The following RBM47 variants were observed in gnomAD, a reference collection of about 807,000 sequenced individuals.
The protein encoded by RBM47 is RNA-binding protein 47.
RBM47 carries 21 observed loss-of-function variants against 47.1 expected under a neutral mutation model. That is an observed-to-expected ratio of 0.45 (90% CI 0.32 to 0.64). The LOEUF (loss-of-function observed/expected upper bound fraction) is 0.64, where lower values mean the gene tolerates loss of function less well. RBM47 is among the 30% of genes least tolerant of loss of function. The pLI is 0.05. For missense variants in RBM47, 708 were observed against 870.9 expected, an observed-to-expected ratio of 0.81 and a Z score of 2.35; for synonymous variants, 375 against 361.7, an observed-to-expected ratio of 1.04 and a Z score of -0.42.
chr4:40,426,622 G>A (rs1715084022), intron 6 of RBM47, among the ~76,000 whole-genome samples: 1 of 152,110 alleles, frequency 6.6e-6, no homozygotes, highest in African/African-American at 2.4e-5. Context: ...CAATCCTCCT[G>A]TCTCAGCCTC....
chr4:40,492,230 C>T (rs7678698), intron 2 of RBM47, among the ~76,000 whole-genome samples: 2 of 151,938 alleles, frequency 1.3e-5, no homozygotes, highest in Non-Finnish European at 2.9e-5. Flanking sequence ...CATAGCCAGG[C>T]CTGGGGGTAT....
intron 6 of RBM47, chr4:40,426,841 G>A (rs1715130009): frequency 1.3e-5 from 2 of 152,214 alleles, no homozygotes; most frequent in Admixed American, 6.5e-5. Context: ...GACCTTCTCT[G>A]TACTGTATTC....
intron 1 of RBM47, among the ~76,000 whole-genome samples, chr4:40,598,417 T>C (rs1451498833): frequency 1.3e-5 from 2 of 151,998 alleles, no homozygotes; most frequent in Non-Finnish European, 2.9e-5. Flanking sequence ...CAGCTAGTCT[T>C]TGTATTGTTT....
intron 1 of RBM47, among the ~76,000 whole-genome samples, chr4:40,626,759 A>G (rs1737780002): frequency 6.6e-6 from 1 of 152,190 alleles, no homozygotes; most frequent in African/African-American, 2.4e-5. Flanking sequence ...GAGAAACAGA[A>G]GCAATCAGAA....
intron 3 of RBM47, among the ~76,000 whole-genome samples, chr4:40,442,964 G>A (rs532461310): frequency 1.6e-4 from 25 of 152,276 alleles, no homozygotes; most frequent in African/African-American, 5.3e-4. Context: ...GTGAGCCACC[G>A]TGCCCGGCTT....
chr4:40,495,834 GCTCT>G lies in RBM47; in HGVS notation c.-154-29139_-154-29136del, dbSNP rs10597715. Among the ~76,000 whole-genome samples the G allele has an allele frequency of 7.9e-5, 12 of 151,204 alleles. No individual in the cohort carries two copies. In the South Asian group the frequency reaches 1.7e-3, roughly 21 times the overall value. ...TCTGAAAAGTGGTCACATTGTGCGC[GCTCT>G]CTCTCTCTCTCTTTCCTCTGTAGTA... On this transcript the variant is annotated intron_variant, in intron 2 of 6. Transcript: ENST00000295971.
chr4:40,445,338 C>T (rs1714378636), intron 3 of RBM47, among the ~76,000 whole-genome samples: 1 of 151,480 alleles, frequency 6.6e-6, no homozygotes. Flanking sequence ...AGCTGTTTTC[C>T]GTTTAACTCC....
Position 40,465,017 on chromosome 4 carries a change from T to C in RBM47, c.-32+1560A>G, listed in dbSNP as rs150732034. Among the ~76,000 whole-genome samples the C allele has an allele frequency of 4.0e-3, 604 of 152,172 alleles. 7 individuals carry two copies. Among genetic ancestry groups the C allele is most frequent in the African/African-American group, 0.014 (584 of 41,516 alleles). On this transcript the variant is annotated intron_variant, in intron 3 of 6. Coordinates refer to ENST00000295971, the MANE Select transcript of RBM47 (RefSeq NM_001098634.2). Reference sequence around the variant, plus strand: ...GCTTATGGGTAGATTTTGTTACATTTTTCTATAATTTCCAGATTTCCTTCC... The same window carrying C: ...GCTTATGGGTAGATTTTGTTACATTCTTCTATAATTTCCAGATTTCCTTCC...
Position 40,624,281 on chromosome 4 carries a change from G to T in RBM47, c.-240+5115C>A, listed in dbSNP as rs139814571. 5.5e-3 allele frequency among the ~76,000 whole-genome samples: 843 copies of T among 152,258 alleles called. 9 individuals are homozygous for T. The highest frequency in any genetic ancestry group is 0.02 in the African/African-American group (814 of 41,520). ...ACATGTAAGTGGCAGAACTAAGATT[G>T]GAACCAAGGCAGCCCATGCTCCTAG... is the stretch of plus-strand genomic sequence containing the variant. On this transcript the variant is annotated intron_variant, in intron 1 of 6. Transcript: ENST00000295971.
intron 2 of RBM47, among the ~76,000 whole-genome samples, chr4:40,504,187 C>T (rs1723773008): frequency 6.6e-6 from 1 of 151,882 alleles, no homozygotes; most frequent in African/African-American, 2.4e-5. Context: ...CATTGACATG[C>T]TGTTTTCTGA....
intron 2 of RBM47, among the ~76,000 whole-genome samples, chr4:40,500,464 A>AG (rs1723209642): frequency 6.6e-6 from 1 of 152,120 alleles, no homozygotes; most frequent in Admixed American, 6.5e-5. Context: ...TACAAACATT[A>AG]GCTGGGTGTG....
chr4:40,423,712 CTTTTCTTTCTTTT>C lies in RBM47; in HGVS notation c.*2179_*2191del, dbSNP rs1368780367. 2.2e-3 allele frequency: 114 copies of C among 51,482 alleles called. No homozygotes were observed. Among genetic ancestry groups the C allele is most frequent in the African/African-American group, 0.012 (108 of 9,130 alleles). The allele number at this position is 51,482 out of a possible 1,614,324, so 3.2% of individuals were successfully genotyped here. On this transcript the variant is annotated 3_prime_UTR_variant, in exon 7 of 7. Transcript: ENST00000295971. The stretch of plus-strand genomic sequence containing the variant: ...TCTTTCTTTCTTTCTTTCTTTCTTT[CTTTTCTTTCTTTT>C]CTTTCTTCCTCTTCTTCTTCTTTTT...
chr4:40,461,890 G>A (rs1341828018), intron 3 of RBM47, among the ~76,000 whole-genome samples: 2 of 150,088 alleles, frequency 1.3e-5, no homozygotes, highest in Non-Finnish European at 2.9e-5. Flanking sequence ...AGCCAAGATC[G>A]CACCATTGTA....
intron 3 of RBM47, among the ~76,000 whole-genome samples, chr4:40,462,980 C>T (rs1453369933): frequency 2.0e-5 from 3 of 151,964 alleles, no homozygotes; most frequent in Non-Finnish European, 4.4e-5. Flanking sequence ...CTTTTGTGCA[C>T]CAAAGGACAC....
chr4:40,474,309 G>A (rs747420145), intron 2 of RBM47, among the ~76,000 whole-genome samples: 11 of 152,064 alleles, frequency 7.2e-5, no homozygotes, highest in Admixed American at 1.3e-4. Flanking sequence ...GCTAGCAAGC[G>A]TTCTCCATCG....
intron 2 of RBM47, among the ~76,000 whole-genome samples, chr4:40,522,411 A>G (rs925853070): frequency 1.3e-5 from 2 of 152,182 alleles, no homozygotes; most frequent in African/African-American, 4.8e-5. Flanking sequence ...AGGCTGAGGC[A>G]GGAGAATCTC....
At chr4:40,624,773 G>C (rs1560512132) in intron 1 of RBM47, among the ~76,000 whole-genome samples, 1 of 151,916 alleles carries the variant, frequency 6.6e-6, no homozygotes, top group Non-Finnish European at 1.5e-5. Flanking sequence ...CAAGGGCTTG[G>C]TGTACCAAGA....
intron 1 of RBM47, among the ~76,000 whole-genome samples, chr4:40,617,324 C>T (rs980277039): frequency 2.0e-5 from 3 of 151,800 alleles, no homozygotes; most frequent in Admixed American, 1.3e-4. Flanking sequence ...TTTAGAAGGC[C>T]GAGGCAGGCG....
intron 2 of RBM47, among the ~76,000 whole-genome samples, chr4:40,531,866 G>A (rs369950149): frequency 1.4e-4 from 21 of 152,212 alleles, no homozygotes; most frequent in African/African-American, 3.6e-4. Context: ...AGGAAAGGCC[G>A]TGAAAGATAT....
Sources: gnomAD v4.1 joint callset for allele counts (sites outside exome capture counted in the v4.1 genomes callset) on GRCh38, gnomAD v4.1.1 for gene constraint, MANE v1.5 for transcripts, NCBI Gene and HGNC (gene_info 2026-07-23, HGNC 2026-07-21) for gene names.